Variants in SLC12A8 observed in about 807,000 individuals in gnomAD.
SLC12A8 encodes cation-chloride cotransporter 9.
A neutral mutation model predicts 75.6 loss-of-function variants in SLC12A8; 69 were observed. The ratio of observed to expected loss-of-function variants is 0.91; its 90% CI spans 0.75 to 1.11. The LOEUF (loss-of-function observed/expected upper bound fraction) is 1.11. Among genes scored for constraint, SLC12A8 ranks in the 50% most tolerant of loss-of-function variants. The probability of loss-of-function intolerance (pLI) is 0.00; values close to 1 mark genes in which losing one functional copy is unlikely to be tolerated. For missense variants in SLC12A8, 877 were observed against 896.7 expected (o/e 0.98, Z 0.28); for synonymous variants, 365 against 372.8 (o/e 0.98, Z 0.24).
chr3:125,139,872 GGTCCCT>G, intron 5 of SLC12A8, among the ~76,000 whole-genome samples: 2 of 152,284 alleles, frequency 1.3e-5, no homozygotes, highest in East Asian at 3.9e-4. Flanking sequence ...TGAATACCAT[GGTCCCT>G]GTCCCCATAG....
chr3:125,208,520 A>T (rs1238926303), intron 2 of SLC12A8, among the ~76,000 whole-genome samples: 1 of 152,110 alleles, frequency 6.6e-6, no homozygotes. Flanking sequence ...ATATTTACAC[A>T]AATTATCTCT....
chr3:125,107,828 C>T lies in SLC12A8; in HGVS notation c.1358G>A (p.Gly453Asp), dbSNP rs1215918380. ...GTCCTTGGTGAATTCCAGTAGCGTG[C>T]CCTCCAAGACTCTTTGGGCAGGTCC... is the stretch of plus-strand genomic sequence containing the variant. ...SEGPAQRVLE[G>D]TLLEFTKDMD... The change falls in exon 10 of 14, where the codon GGC becomes GAC. Residue 453 changes from glycine to aspartate, a missense_variant. Transcript: ENST00000469902. 1.9e-6 allele frequency: 3 copies of T among 1,614,018 alleles called. No individual in the cohort carries two copies. The highest frequency in any genetic ancestry group is 3.3e-5 in the Admixed American group (2 of 60,006).
In SLC12A8 at chr3:125,123,371, G is replaced by GAAA. The variant is rs34868769; in HGVS notation, c.737-2688_737-2686dup. Among the ~76,000 whole-genome samples, 7 of 103,938 alleles carry GAAA rather than the reference G, an allele frequency of 6.7e-5. 1 individual carries two copies. The highest frequency in any genetic ancestry group is 9.6e-5 in the Non-Finnish European group (5 of 52,244). The allele number at this position is 103,938 out of a possible 152,430, so 68.2% of individuals were successfully genotyped here. ...CCTGGGTGACAGAGATCCATCTCAG[G>GAAA]AAAAAAAAAAAAAAAAAAAAGAAGG... On this transcript the variant is annotated intron_variant, in intron 6 of 13. Transcript: ENST00000469902.
chr3:125,154,075 A>G (rs1463436123), intron 5 of SLC12A8, among the ~76,000 whole-genome samples: 1 of 152,120 alleles, frequency 6.6e-6, no homozygotes. Context: ...ATCAAGTTTT[A>G]TTATGGGGAA....
At position 125,199,047 on chromosome 3, in the gene SLC12A8, G is replaced by A. The variant is rs368135608; in HGVS notation, c.52-8526C>T. On this transcript the variant is annotated intron_variant, in intron 2 of 13. Transcript: ENST00000469902. ...CCCTCCTTGGCCTCCCAAAGTGCTG[G>A]GATTATAGGCGTGAGCCACCATGCC... 3.7e-4 allele frequency among the ~76,000 whole-genome samples: 56 copies of A among 152,086 alleles called. 2 individuals carry two copies. In the East Asian group the frequency reaches 5.5e-3, roughly 15 times the overall value.
chr3:125,104,820 C>A (rs1165695219), intron 10 of SLC12A8, among the ~76,000 whole-genome samples: 1 of 152,146 alleles, frequency 6.6e-6, no homozygotes, highest in East Asian at 1.9e-4. Flanking sequence ...CCCTTTTGCC[C>A]TTTTTCCCTC....
chr3:125,139,141 G>A (rs76695657), intron 5 of SLC12A8, among the ~76,000 whole-genome samples: 2,596 of 152,090 alleles, frequency 0.017, 57 homozygotes, highest in African/African-American at 0.047. Context: ...CTTTCTTTCC[G>A]TTTGTACTCT....
chr3:125,098,665 C>G (rs77410770), intron 10 of SLC12A8, among the ~76,000 whole-genome samples: 3,900 of 151,234 alleles, frequency 0.026, 174 homozygotes, highest in African/African-American at 0.088. Flanking sequence ...ATGAAGAAAA[C>G]AAATTGAGAA....
At chr3:125,125,584 A>C (rs1560060069) in intron 6 of SLC12A8, among the ~76,000 whole-genome samples, 1 of 152,120 alleles carries the variant, frequency 6.6e-6, no homozygotes, top group Non-Finnish European at 1.5e-5. Flanking sequence ...AAAAAATAAA[A>C]CAGTTATTTA....
intron 2 of SLC12A8, among the ~76,000 whole-genome samples, chr3:125,199,073 C>T (rs1026210576): frequency 1.3e-5 from 2 of 152,044 alleles, no homozygotes; most frequent in Admixed American, 1.3e-4. Flanking sequence ...CCACCATGCC[C>T]GGCTGACAAT....
At chr3:125,086,920 A>G (rs911918613) in intron 13 of SLC12A8, among the ~76,000 whole-genome samples, 1 of 152,156 alleles carries the variant, frequency 6.6e-6, no homozygotes, top group African/African-American at 2.4e-5. Flanking sequence ...GCCATCTTGA[A>G]TAGATTGGCA....
intron 5 of SLC12A8, among the ~76,000 whole-genome samples, chr3:125,152,220 G>T (rs1038085725): frequency 1.3e-5 from 2 of 152,218 alleles, no homozygotes; most frequent in Non-Finnish European, 2.9e-5. Context: ...TGAGGGAAAA[G>T]AAATAGAAAT....
chr3:125,088,111 C>G, intron 13 of SLC12A8, 199 bp downstream of exon 13: 1 of 587,002 alleles, frequency 1.7e-6, no homozygotes, highest in Non-Finnish European at 3.1e-6. Flanking sequence ...CTAGAGGAAG[C>G]TTCTGATGAG....
intron 5 of SLC12A8, chr3:125,154,719 C>T (rs1934007690): frequency 6.6e-6 from 1 of 152,130 alleles, no homozygotes. Flanking sequence ...AAGAAGATAT[C>T]AACCACAATA....
intron 13 of SLC12A8, 76 bp from the exon 14 acceptor site, chr3:125,084,128 A>G (rs2107727263): frequency 1.6e-6 from 2 of 1,233,102 alleles, no homozygotes; most frequent in East Asian, 5.0e-5. Flanking sequence ...TCTACTGGGC[A>G]TAAAGAAATT....
chr3:125,200,509 A>G (rs1275668739), intron 2 of SLC12A8, among the ~76,000 whole-genome samples: 2 of 152,196 alleles, frequency 1.3e-5, no homozygotes, highest in Non-Finnish European at 2.9e-5. Context: ...AAATTACCAC[A>G]TTATTAGAAA....
intron 10 of SLC12A8, among the ~76,000 whole-genome samples, chr3:125,103,347 G>C (rs1938933512): frequency 6.6e-6 from 1 of 151,832 alleles, no homozygotes; most frequent in Non-Finnish European, 1.5e-5. Context: ...ACATTTGGGG[G>C]TCCTCCAGTA....
chr3:125,120,986 G>A, intron 6 of SLC12A8: 7 of 664,634 alleles, frequency 1.1e-5, no homozygotes, highest in Non-Finnish European at 1.9e-5. Flanking sequence ...CGGCTTGCAA[G>A]GCACACAGAG....
chr3:125,141,860 C>A (rs541070459), intron 5 of SLC12A8, among the ~76,000 whole-genome samples: 2 of 151,592 alleles, frequency 1.3e-5, no homozygotes, highest in Non-Finnish European at 2.9e-5. Flanking sequence ...GGGCTCCGGA[C>A]GGAGCTAGGA....
Sources: allele counts gnomAD v4.1 joint callset (sites outside exome capture counted in the v4.1 genomes callset), GRCh38; gene constraint gnomAD v4.1.1; transcripts MANE v1.5; gene names NCBI Gene and HGNC (gene_info 2026-07-23, HGNC 2026-07-21).